DPYSL3: variants seen among roughly 807,000 people sequenced by gnomAD.
DPYSL3 encodes the protein dihydropyrimidinase like 3.
A neutral mutation model predicts 66.1 loss-of-function variants in DPYSL3; 16 were observed. The observed-to-expected ratio is 0.24, with a 90% CI of 0.16 to 0.37. The LOEUF is 0.37. Among genes scored for constraint, DPYSL3 ranks in the 10% least tolerant of loss-of-function variants. The probability of loss-of-function intolerance (pLI) is 1.00; values close to 1 mark genes in which losing one functional copy is unlikely to be tolerated. For synonymous variants in DPYSL3, 338 were observed against 345.1 expected, an observed-to-expected ratio of 0.98 and a Z score of 0.23; for missense variants, 738 against 916.2, an observed-to-expected ratio of 0.81 and a Z score of 2.51.
intron 1 of DPYSL3, among the ~76,000 whole-genome samples, chr5:147,477,108 G>A (rs1170338186): frequency 6.6e-6 from 1 of 152,016 alleles, no homozygotes; most frequent in African/African-American, 2.4e-5. Context: ...ATGTTTAAAC[G>A]GACAAAATTC....
rs921769363 is a variant in DPYSL3 at position 147,393,112 on chromosome 5, G to A, written c.*923C>T. 1 of 152,206 alleles carries A rather than the reference G, an allele frequency of 6.6e-6. No individual in the cohort carries two copies. 9.4% of individuals were successfully genotyped at this position (152,206 alleles called of 1,614,324 possible). A position where few individuals can be genotyped will look rare whatever the true frequency, so the allele number is the denominator to read the frequency against. On this transcript the variant is annotated 3_prime_UTR_variant, in exon 14 of 14. Transcript: ENST00000343218. ...CCACTCTTCTCGGTTTGCAAAGACA[G>A]AAGAGTGAGAGGTGACCTCGCCGTG...
chr5:147,400,684 T>C lies in DPYSL3; in HGVS notation c.1452+8A>G, dbSNP rs758591692. The C allele has an allele frequency of 3.1e-6, 5 of 1,613,682 alleles. No individual in the cohort carries two copies. Among genetic ancestry groups the C allele is most frequent in the African/African-American group, 2.7e-5 (2 of 74,942 alleles). ...TCTGGCCACCCTCCCATGACCTCCATGCCTTACCACAGCCTTGTCCCAGAT... is the reference window on the plus strand; with the variant it reads ...TCTGGCCACCCTCCCATGACCTCCACGCCTTACCACAGCCTTGTCCCAGAT... On this transcript the variant is annotated splice_region_variant and intron_variant, in intron 10 of 13. Coordinates refer to ENST00000343218, the MANE Select transcript of DPYSL3 (RefSeq NM_001197294.2).
intron 1 of DPYSL3, among the ~76,000 whole-genome samples, chr5:147,470,129 C>T (rs780643082): frequency 5.9e-5 from 9 of 152,170 alleles, no homozygotes; most frequent in African/African-American, 7.2e-5. Flanking sequence ...ATCCTCTCTT[C>T]GTAACTCCCT....
chr5:147,472,798 G>C (rs1049274894), intron 1 of DPYSL3: 11 of 152,006 alleles, frequency 7.2e-5, no homozygotes, highest in African/African-American at 2.7e-4. Context: ...TACGTCTCTT[G>C]CTTACTGGTG....
intron 4 of DPYSL3, among the ~76,000 whole-genome samples, chr5:147,414,342 G>A (rs1751918836): frequency 6.6e-6 from 1 of 152,070 alleles, no homozygotes; most frequent in Non-Finnish European, 1.5e-5. Context: ...TAAGTTGTAA[G>A]GTTTATATGT....
chr5:147,505,742 C>T (rs1187074086), intron 1 of DPYSL3, among the ~76,000 whole-genome samples: 1 of 152,112 alleles, frequency 6.6e-6, no homozygotes, highest in Non-Finnish European at 1.5e-5. Flanking sequence ...AACTGTTCTC[C>T]AAGGTTGAAC....
rs1192199899 is a variant in DPYSL3 at position 147,405,930 on chromosome 5, C to G, written c.1033-200G>C. 5.7e-6 allele frequency: 3 copies of G among 528,906 alleles called. No individual in the cohort carries two copies. The East Asian group carries it at 9.5e-5, about 17-fold the overall frequency. The allele number at this position is 528,906 out of a possible 1,614,324, so 32.8% of individuals were successfully genotyped here. On this transcript the variant is annotated intron_variant, in intron 7 of 13. Transcript: ENST00000343218. ...CACTTTACTCAGCTTCCCAGTGCCT[C>G]TATCCCTCACTAGTAAAATAGTATA...
rs1751774991 is a variant in DPYSL3, at chr5:147,408,660, C to T, written c.1032+68G>A. Reference sequence around the variant, plus strand: ...TTCCAATACTGCAACCTGGTACTCACATTCTCGTCGCCTTTTAACAATGTT... The same window carrying T: ...TTCCAATACTGCAACCTGGTACTCATATTCTCGTCGCCTTTTAACAATGTT... On this transcript the variant is annotated intron_variant, in intron 7 of 13. Coordinates refer to ENST00000343218, the MANE Select transcript of DPYSL3 (RefSeq NM_001197294.2). 5 of 1,544,160 alleles carry T rather than the reference C, an allele frequency of 3.2e-6. 1 individual carries two copies. In the South Asian group the frequency reaches 5.6e-5, roughly 17 times the overall value.
At chr5:147,423,384 AG>A (rs1201566442) in intron 2 of DPYSL3, among the ~76,000 whole-genome samples, 2 of 152,190 alleles carry the variant, frequency 1.3e-5, no homozygotes, top group Admixed American at 6.5e-5. Context: ...ATTAACTTTT[AG>A]CAAGTTATTT....
chr5:147,493,772 G>A (rs975176863), intron 1 of DPYSL3, among the ~76,000 whole-genome samples: 4 of 152,116 alleles, frequency 2.6e-5, no homozygotes, highest in Non-Finnish European at 4.4e-5. Flanking sequence ...ACATTCCGGG[G>A]TATAAAACAC....
intron 1 of DPYSL3, among the ~76,000 whole-genome samples, chr5:147,426,646 CCT>C (rs1194707023): frequency 3.9e-5 from 6 of 152,040 alleles, no homozygotes; most frequent in Non-Finnish European, 8.8e-5. Context: ...TTCTGTAGCC[CCT>C]GTTTGAGAAC....
chr5:147,423,969 C>T (rs1474333685), intron 2 of DPYSL3, among the ~76,000 whole-genome samples: 2 of 152,122 alleles, frequency 1.3e-5, no homozygotes, highest in Non-Finnish European at 2.9e-5. Context: ...CTGTCCGCCT[C>T]GGCCTCCCAA....
chr5:147,488,013 A>G (rs1280190877), intron 1 of DPYSL3, among the ~76,000 whole-genome samples: 8 of 152,204 alleles, frequency 5.3e-5, no homozygotes, highest in Admixed American at 4.6e-4. Flanking sequence ...GTGAAAAACC[A>G]TTATTCACTA....
intron 1 of DPYSL3, among the ~76,000 whole-genome samples, chr5:147,441,832 G>T (rs1752537931): frequency 6.6e-6 from 1 of 152,098 alleles, no homozygotes; most frequent in African/African-American, 2.4e-5. Context: ...AGCAAAAAGG[G>T]TTCTGAGATA....
Position 147,395,746 on chromosome 5 carries a change from C to CCATT in DPYSL3, c.1804-29_1804-26dup, listed in dbSNP as rs568715092. 11,710 of 1,612,022 alleles carry CCATT rather than the reference C, an allele frequency of 7.3e-3. 94 individuals are homozygous for CCATT. The highest frequency in any genetic ancestry group is 0.022 in the South Asian group (2,011 of 90,904). ...TCTGCAGCCAGAGAAGAGCATGTCA[C>CCATT]CATTCATTCATTCAGCATTTTAGGG... On this transcript the variant is annotated intron_variant, in intron 12 of 13. Coordinates refer to ENST00000343218, the MANE Select transcript of DPYSL3 (RefSeq NM_001197294.2).
intron 1 of DPYSL3, among the ~76,000 whole-genome samples, chr5:147,465,948 A>G (rs1753002602): frequency 6.6e-6 from 1 of 152,142 alleles, no homozygotes; most frequent in Non-Finnish European, 1.5e-5. Context: ...TTCTTCTCAG[A>G]TCTGCTTCCC....
In DPYSL3 at chr5:147,509,658, G is replaced by T. The variant is rs1429791342; in HGVS notation, c.201C>A (p.Ser67Arg). The stretch of plus-strand genomic sequence containing the variant: ...CCGATCCTCGGTCGCTGCCCTGGCC[G>T]CTCCGAGGAGTCTTCGCGCCCCGCT... ...VGQRGAKTPRSGQGSDRGSGS... is the reference protein window; with the variant it reads ...VGQRGAKTPRRGQGSDRGSGS... Residue 67 changes from serine (S) to arginine (R), a missense_variant, in exon 1 of 14, where the codon AGC (serine) becomes AGA (arginine). Ser to Arg is a moderately radical substitution (Grantham distance 110, BLOSUM62 -1). Transcript: ENST00000343218. This position sits in a 1 kb window ranked among gnomAD's most constrained non-coding sequence, Gnocchi z 5.3. 3 of 1,535,610 alleles carry T rather than the reference G, an allele frequency of 2.0e-6. No individual in the cohort carries two copies. The African/African-American group carries it at 4.1e-5, about 21-fold the overall frequency.
intron 2 of DPYSL3, among the ~76,000 whole-genome samples, chr5:147,424,552 T>C (rs1752157349): frequency 6.6e-6 from 1 of 152,140 alleles, no homozygotes. Flanking sequence ...CTAAATAAAT[T>C]TCTTCTTCTT....
Position 147,474,804 on chromosome 5 carries a change from T to C in DPYSL3, c.381+34674A>G, listed in dbSNP as rs113955925. Among the ~76,000 whole-genome samples the C allele has an allele frequency of 3.8e-3, 581 of 152,240 alleles. 7 individuals are homozygous for C. The highest frequency in any genetic ancestry group is 0.013 in the African/African-American group (552 of 41,578). Reference sequence around the variant, plus strand: ...TTGAGATATAACAATACCATACAATTCACCAATTTAAAGTATACAATTCCG... The same window carrying C: ...TTGAGATATAACAATACCATACAATCCACCAATTTAAAGTATACAATTCCG... On this transcript the variant is annotated intron_variant, in intron 1 of 13. Coordinates refer to ENST00000343218, the MANE Select transcript of DPYSL3 (RefSeq NM_001197294.2).
Sources: allele counts gnomAD v4.1 joint callset (sites outside exome capture counted in the v4.1 genomes callset), GRCh38; gene constraint gnomAD v4.1.1; non-coding constraint Gnocchi (gnomAD v3.1); transcripts MANE v1.5; gene names NCBI Gene and HGNC (gene_info 2026-07-23, HGNC 2026-07-21).